CCSER1: variants seen among roughly 807,000 people sequenced by gnomAD.
CCSER1 encodes serine-rich coiled-coil domain-containing protein 1.
Under a neutral mutation model 82.0 loss-of-function variants are expected in CCSER1, and 41 were observed. The ratio of observed to expected loss-of-function variants is 0.50; its 90% CI spans 0.39 to 0.65. CCSER1 has a LOEUF of 0.65. Among genes scored for constraint, CCSER1 ranks in the 30% least tolerant of loss-of-function variants. The pLI is 0.00. For missense variants in CCSER1, 1,119 were observed against 1,064.2 expected, an observed-to-expected ratio of 1.05 and a Z score of -0.72; for synonymous variants, 414 against 383.9, an observed-to-expected ratio of 1.08 and a Z score of -0.92.
At chr4:90,163,971 T>A (rs1729959580) in intron 1 of CCSER1, among the ~76,000 whole-genome samples, 1 of 152,188 alleles carries the variant, frequency 6.6e-6, no homozygotes, top group South Asian at 2.1e-4. Flanking sequence ...TACCTCCTTT[T>A]GGCAAGTGTT....
At chr4:91,087,179 C>T (rs533467180) in intron 10 of CCSER1, among the ~76,000 whole-genome samples, 4 of 152,016 alleles carry the variant, frequency 2.6e-5, no homozygotes, top group Admixed American at 6.6e-5. Flanking sequence ...AGTTTTCATC[C>T]GAGCAGTACT....
intron 7 of CCSER1, among the ~76,000 whole-genome samples, chr4:90,762,223 T>A (rs377120104): frequency 6.6e-6 from 1 of 152,086 alleles, no homozygotes; most frequent in Non-Finnish European, 1.5e-5. Context: ...ATGAGACTGA[T>A]GGTTTTATAA....
intron 10 of CCSER1, among the ~76,000 whole-genome samples, chr4:91,179,305 T>C (rs972172970): frequency 6.6e-6 from 1 of 152,166 alleles, no homozygotes; most frequent in Non-Finnish European, 1.5e-5. Context: ...TTGAGGAGTA[T>C]CTTTGTGGCA....
intron 10 of CCSER1, among the ~76,000 whole-genome samples, chr4:91,543,699 G>A (rs55891500): frequency 0.055 from 8,378 of 152,156 alleles, 243 homozygotes; most frequent in Middle Eastern, 0.078. Flanking sequence ...TCCTTTTGTG[G>A]GTAACCCGAC....
chr4:90,843,093 A>C (rs545733228), intron 8 of CCSER1, among the ~76,000 whole-genome samples: 1 of 152,194 alleles, frequency 6.6e-6, no homozygotes, highest in Non-Finnish European at 1.5e-5. Context: ...TTAAGGCCCA[A>C]CTTTTCACCA....
At chr4:91,139,700 T>C (rs1260530130) in intron 10 of CCSER1, among the ~76,000 whole-genome samples, 1 of 152,162 alleles carries the variant, frequency 6.6e-6, no homozygotes, top group Non-Finnish European at 1.5e-5. Context: ...GTAGAGCTGA[T>C]ATGTGAAATC....
intron 10 of CCSER1, among the ~76,000 whole-genome samples, chr4:91,592,975 C>T (rs887020509): frequency 1.3e-5 from 2 of 152,134 alleles, no homozygotes; most frequent in Non-Finnish European, 1.5e-5. Context: ...ATAATTTTTA[C>T]AAAACAAGGA....
intron 10 of CCSER1, among the ~76,000 whole-genome samples, chr4:91,124,547 G>T (rs1473109979): frequency 2.0e-5 from 3 of 151,698 alleles, no homozygotes; most frequent in Non-Finnish European, 4.4e-5. Flanking sequence ...CTTAGCTGCT[G>T]CTTCTCTGTG....
chr4:91,199,958 TCA>T (rs1404470453), intron 10 of CCSER1, among the ~76,000 whole-genome samples: 1 of 151,988 alleles, frequency 6.6e-6, no homozygotes, highest in Non-Finnish European at 1.5e-5. Context: ...AAGAAATATT[TCA>T]GATTCAGAGA....
rs186981017 is a variant in CCSER1, at chr4:91,216,480, C to T, written c.2217+130486C>T. On this transcript the variant is annotated intron_variant, in intron 10 of 10. Coordinates refer to ENST00000509176, the MANE Select transcript of CCSER1 (RefSeq NM_001145065.2). ...GACTACAGGTGCGTGCCACCACACC[C>T]GGCTAATTTTTTTGTGTTTTTAGTA... Among the ~76,000 whole-genome samples the T allele has an allele frequency of 7.9e-5, 12 of 152,166 alleles. No homozygotes were observed. The East Asian group carries it at 1.4e-3, about 17-fold the overall frequency.
chr4:91,551,021 C>T (rs1407570745), intron 10 of CCSER1, among the ~76,000 whole-genome samples: 1 of 151,954 alleles, frequency 6.6e-6, no homozygotes, highest in African/African-American at 2.4e-5. Flanking sequence ...CAGATATACT[C>T]TACAATAATA....
chr4:90,225,057 T>A (rs1320016163), intron 1 of CCSER1, among the ~76,000 whole-genome samples: 1 of 151,464 alleles, frequency 6.6e-6, no homozygotes, highest in Admixed American at 6.6e-5. Context: ...TAAAATGACT[T>A]CCTTTTTTTT....
intron 10 of CCSER1, among the ~76,000 whole-genome samples, chr4:91,157,001 A>G (rs918815484): frequency 2.0e-5 from 3 of 151,924 alleles, no homozygotes; most frequent in African/African-American, 4.8e-5. Context: ...TTACTCTTCA[A>G]TCTCATTGAT....
intron 10 of CCSER1, among the ~76,000 whole-genome samples, chr4:91,535,492 A>C (rs1392346946): frequency 1.3e-5 from 1 of 74,354 alleles, no homozygotes; most frequent in African/African-American, 7.9e-5. Context: ...AGAATAACCA[A>C]ATCTTCCACT....
intron 10 of CCSER1, among the ~76,000 whole-genome samples, chr4:91,477,215 T>A (rs1757643645): frequency 6.6e-6 from 1 of 151,662 alleles, no homozygotes; most frequent in Admixed American, 6.6e-5. Context: ...TCAAATAACT[T>A]AATAGTAAAA....
At chr4:90,748,054 A>G (rs921615758) in intron 7 of CCSER1, among the ~76,000 whole-genome samples, 10 of 127,976 alleles carry the variant, frequency 7.8e-5, no homozygotes, top group African/African-American at 3.2e-4. Context: ...TTTTTATTAT[A>G]CTTTAAGTTT....
At chr4:90,363,275 G>A (rs1745697924) in intron 3 of CCSER1, among the ~76,000 whole-genome samples, 1 of 151,940 alleles carries the variant, frequency 6.6e-6, no homozygotes, top group African/African-American at 2.4e-5. Flanking sequence ...ATTTGATTTT[G>A]TTGCCTTCTT....
At chr4:90,608,213 A>G (rs1271907574) in intron 5 of CCSER1, among the ~76,000 whole-genome samples, 1 of 152,134 alleles carries the variant, frequency 6.6e-6, no homozygotes, top group Non-Finnish European at 1.5e-5. Flanking sequence ...GTCCTCTATT[A>G]GGGTCCCACA....
At chr4:90,933,290 G>GC (rs1467263139) in intron 9 of CCSER1, among the ~76,000 whole-genome samples, 4 of 149,172 alleles carry the variant, frequency 2.7e-5, no homozygotes, top group Non-Finnish European at 6.0e-5. Flanking sequence ...CGGGTTCACC[G>GC]CATTCTCCTG....
Sources: gnomAD v4.1 joint callset for allele counts (sites outside exome capture counted in the v4.1 genomes callset) on GRCh38, gnomAD v4.1.1 for gene constraint, MANE v1.5 for transcripts, NCBI Gene and HGNC (gene_info 2026-07-23, HGNC 2026-07-21) for gene names.